Variants in CHPT1 observed in about 807,000 individuals in gnomAD.
The protein encoded by CHPT1 is choline phosphotransferase 1.
CHPT1 carries 36 observed loss-of-function variants against 47.6 expected under a neutral mutation model. The ratio of observed to expected loss-of-function variants is 0.76; its 90% CI spans 0.58 to 1.00. The LOEUF is 1.00. Ranked by LOEUF, CHPT1 falls within the 50% of genes least tolerant of loss-of-function variation. The pLI is 0.00. For missense variants in CHPT1, 458 were observed against 498.1 expected (o/e 0.92, Z 0.77); for synonymous variants, 194 against 186.3 (o/e 1.04, Z -0.33).
At chr12:101,706,561 AT>A (rs1951636673) in intron 1 of CHPT1, among the ~76,000 whole-genome samples, 1 of 152,196 alleles carries the variant, frequency 6.6e-6, no homozygotes. Context: ...TGTAAGTGAA[AT>A]TTGTCCAGTG....
chr12:101,705,425 G>A (rs1236468521), intron 1 of CHPT1, among the ~76,000 whole-genome samples: 2 of 65,958 alleles, frequency 3.0e-5, no homozygotes, highest in African/African-American at 9.9e-5. Context: ...ACATTCAATT[G>A]AAAAGTTTAC....
intron 1 of CHPT1, among the ~76,000 whole-genome samples, chr12:101,700,507 A>T (rs923250243): frequency 1.3e-5 from 2 of 152,232 alleles, no homozygotes; most frequent in Non-Finnish European, 2.9e-5. Context: ...TACAGGATCC[A>T]CATTGCTTGT....
chr12:101,714,667 T>C (rs766544416), intron 3 of CHPT1, 22 bp downstream of exon 3: 2 of 1,583,974 alleles, frequency 1.3e-6, no homozygotes, highest in South Asian at 2.3e-5. Context: ...TTTTAAGTTG[T>C]ACATTAAAAA....
At chr12:101,716,253 A>C (rs1244202172) in intron 3 of CHPT1, among the ~76,000 whole-genome samples, 1 of 152,230 alleles carries the variant, frequency 6.6e-6, no homozygotes, top group African/African-American at 2.4e-5. Flanking sequence ...AAAAAACTAC[A>C]GTGACTATTA....
chr12:101,723,161 C>A lies in CHPT1; in HGVS notation c.781-7C>A, dbSNP rs2137027840. The A allele has an allele frequency of 6.2e-7, 1 of 1,608,608 alleles. No homozygotes were observed. The highest frequency in any genetic ancestry group is 2.2e-5 in the East Asian group (1 of 44,784). ...ATGTGATACTGATTTTCTGCTTTAT[C>A]CCTTAGGGCACCAGTGTCTTGTCAC... On this transcript the variant is annotated splice_polypyrimidine_tract_variant and splice_region_variant and intron_variant, in intron 5 of 8. Transcript: ENST00000229266.
intron 8 of CHPT1, 107 bp downstream of exon 8, chr12:101,726,511 C>A (rs7965541): frequency 0.38 from 540,409 of 1,425,398 alleles, 103,365 homozygotes; most frequent in Middle Eastern, 0.4. Flanking sequence ...AGTATACCAT[C>A]AATAAGGTTA....
At chr12:101,723,420 T>C (rs961141575) in intron 6 of CHPT1, 94 bp downstream of exon 6, 6 of 809,448 alleles carry the variant, frequency 7.4e-6, no homozygotes, top group Non-Finnish European at 1.1e-5. Context: ...GGTTTTCTTT[T>C]GTAGTGTAAA....
At chr12:101,726,450 A>C in intron 8 of CHPT1, 46 bp downstream of exon 8, 10 of 1,604,724 alleles carry the variant, frequency 6.2e-6, no homozygotes, top group Non-Finnish European at 8.5e-6. Context: ...AAAAGAGGAG[A>C]TGAAGTTAGG....
At chr12:101,700,908 T>G (rs1191919445) in intron 1 of CHPT1, among the ~76,000 whole-genome samples, 1 of 152,252 alleles carries the variant, frequency 6.6e-6, no homozygotes, top group Non-Finnish European at 1.5e-5. Context: ...TTAAGAATTC[T>G]TAGTGTTTTT....
intron 1 of CHPT1, among the ~76,000 whole-genome samples, chr12:101,700,483 A>G (rs1951539658): frequency 6.6e-6 from 1 of 152,194 alleles, no homozygotes. Flanking sequence ...TGATGCAGGG[A>G]GGGGAAACGC....
At position 101,714,595 on chromosome 12, in the gene CHPT1, T is replaced by G. The variant is rs1017990978; in HGVS notation, c.513T>G (p.Phe171Leu). 2 of 1,612,418 alleles carry G rather than the reference T, an allele frequency of 1.2e-6. No individual in the cohort carries two copies. The highest frequency in any genetic ancestry group is 1.7e-5 in the Admixed American group (1 of 59,692). ...GCTCTTTTATTGGGATGTTTGTGTT[T>G]TATTGCGCTCATTGGCAGACTTATG... ...FFCSFIGMFV[F>L]YCAHWQTYVS... Residue 171 changes from phenylalanine to leucine, a missense_variant, in exon 3 of 9, where the codon TTT (phenylalanine) becomes TTG (leucine). By Grantham distance (22) the Phe-to-Leu change is conservative (BLOSUM62 0). Transcript: ENST00000229266.
intron 4 of CHPT1, chr12:101,719,671 T>C: frequency 2.8e-6 from 1 of 361,144 alleles, no homozygotes; most frequent in Non-Finnish European, 5.0e-6. Flanking sequence ...TCAAATGAAC[T>C]ATCCTTTTTC....
In CHPT1 at chr12:101,698,081, A is replaced by G. The variant is rs1566033172; in HGVS notation, c.220A>G (p.Asn74Asp). Residue 74 changes from asparagine to aspartate, a missense_variant, in exon 1 of 9, where the codon AAC becomes GAC. Coordinates refer to ENST00000229266, the MANE Select transcript of CHPT1 (RefSeq NM_020244.3). ...CATCACCCTGCTGGGGCTCGCCGTC[A>G]ACGTGGTCACCACGCTCGTGCTCAT... is the stretch of plus-strand genomic sequence containing the variant. ...NSITLLGLAVNVVTTLVLISY... is the reference protein window; with the variant it reads ...NSITLLGLAVDVVTTLVLISY... The G allele has an allele frequency of 6.4e-7, 1 of 1,567,460 alleles. No homozygotes were observed. Among genetic ancestry groups the G allele is most frequent in the South Asian group, 1.2e-5 (1 of 86,698 alleles).
At chr12:101,722,126 T>G (rs914402467) in intron 5 of CHPT1, among the ~76,000 whole-genome samples, 1 of 152,114 alleles carries the variant, frequency 6.6e-6, no homozygotes, top group Non-Finnish European at 1.5e-5. Context: ...AAACACAAGT[T>G]AGGAAGTGGT....
In CHPT1 at chr12:101,716,785, T is replaced by TG. The variant is rs1316282414; in HGVS notation, c.623dup (p.Gly209ArgfsTer75). On this transcript the variant is annotated frameshift_variant, in exon 4 of 9. Transcript: ENST00000229266. LOFTEE classifies it high-confidence loss of function. ...TGATTGTCTTTGTGTTGTCTGCATT[T>TG]GGAGGAGCAACAATGTGGGACTATA... 6.2e-7 allele frequency: 1 copy of TG among 1,607,022 alleles called. No homozygotes were observed. The highest frequency in any genetic ancestry group is 1.1e-5 in the South Asian group (1 of 90,070).
At chr12:101,720,047 T>C in intron 4 of CHPT1, 76 bp from the exon 5 acceptor site, 2 of 968,794 alleles carry the variant, frequency 2.1e-6, no homozygotes, top group South Asian at 3.6e-5. Flanking sequence ...ACAGGGCTTA[T>C]CATTATGTTT....
At chr12:101,722,775 CTCT>C (rs951419097) in intron 5 of CHPT1, among the ~76,000 whole-genome samples, 8 of 150,696 alleles carry the variant, frequency 5.3e-5, no homozygotes, top group Non-Finnish European at 1.2e-4. Flanking sequence ...ACTATTCTTA[CTCT>C]TCTTCATCAG....
At position 101,698,920 on chromosome 12, in the gene CHPT1, A is replaced by T. The variant is rs552968978; in HGVS notation, c.273+786A>T. Among the ~76,000 whole-genome samples the T allele has an allele frequency of 7.2e-4, 110 of 152,340 alleles. No homozygotes were observed. In the South Asian group the frequency reaches 0.02, roughly 28 times the overall value. ...CTATAGTTTATACTACGTGGGATAA[A>T]TATTACATTGCACATTCTGTGACAT... On this transcript the variant is annotated intron_variant, in intron 1 of 8. Transcript: ENST00000229266.
At chr12:101,717,423 C>T (rs1477668264) in intron 4 of CHPT1, 1 of 383,896 alleles carries the variant, frequency 2.6e-6, no homozygotes, top group African/African-American at 2.1e-5. Flanking sequence ...CTAACTGACT[C>T]ACACTTTCTG....
Sources: allele counts gnomAD v4.1 joint callset (sites outside exome capture counted in the v4.1 genomes callset), GRCh38; gene constraint gnomAD v4.1.1; transcripts MANE v1.5; gene names NCBI Gene and HGNC (gene_info 2026-07-23, HGNC 2026-07-21).